The following EPHA6 variants were observed in gnomAD, a reference collection of about 807,000 sequenced individuals.
The protein encoded by EPHA6 is ephrin type-A receptor 6.
In EPHA6, 50 loss-of-function variants were observed where a neutral mutation model predicts 112.0. The observed-to-expected ratio is 0.45, with a 90% CI of 0.36 to 0.56. The LOEUF (loss-of-function observed/expected upper bound fraction) is 0.56, where lower values mean the gene tolerates loss of function less well. Among genes scored for constraint, EPHA6 ranks in the 20% least tolerant of loss-of-function variants. The pLI, the probability that EPHA6 is intolerant of heterozygous loss-of-function variation, is 0.00. For synonymous variants in EPHA6, 529 were observed against 490.7 expected, an observed-to-expected ratio of 1.08 and a Z score of -1.03; for missense variants, 1,280 against 1,417.4, an observed-to-expected ratio of 0.90 and a Z score of 1.56.
chr3:97,559,111 A>G (rs2093153818), intron 11 of EPHA6, among the ~76,000 whole-genome samples: 2 of 152,062 alleles, frequency 1.3e-5, no homozygotes, highest in African/African-American at 4.8e-5. Context: ...CAGAGTAAGT[A>G]GTATAATGAT....
At chr3:96,972,035 C>G (rs936182921) in intron 2 of EPHA6, among the ~76,000 whole-genome samples, 3 of 151,938 alleles carry the variant, frequency 2.0e-5, no homozygotes, top group Non-Finnish European at 4.4e-5. Context: ...TTTAAATTGT[C>G]TTTTACTTTT....
At chr3:97,713,145 T>G (rs1398388094) in intron 14 of EPHA6, among the ~76,000 whole-genome samples, 1 of 152,128 alleles carries the variant, frequency 6.6e-6, no homozygotes, top group Non-Finnish European at 1.5e-5. Context: ...ATAGGTCAAG[T>G]GTGTCTGATG....
chr3:97,089,124 G>T (rs1303546021), intron 3 of EPHA6, among the ~76,000 whole-genome samples: 1 of 152,106 alleles, frequency 6.6e-6, no homozygotes, highest in Non-Finnish European at 1.5e-5. Context: ...CACTCAGGAC[G>T]TTTGGAAACC....
At chr3:96,831,891 G>C (rs1576085040) in intron 1 of EPHA6, among the ~76,000 whole-genome samples, 1 of 152,016 alleles carries the variant, frequency 6.6e-6, no homozygotes, top group Non-Finnish European at 1.5e-5. Context: ...TAGGCATCCG[G>C]AATTATTCAT....
At chr3:97,119,180 C>T (rs1233933699) in intron 3 of EPHA6, among the ~76,000 whole-genome samples, 1 of 151,976 alleles carries the variant, frequency 6.6e-6, no homozygotes, top group African/African-American at 2.4e-5. Context: ...TGACAAAACA[C>T]TGAAACAAAG....
intron 2 of EPHA6, among the ~76,000 whole-genome samples, chr3:96,973,287 C>A (rs1040832257): frequency 3.9e-5 from 6 of 152,154 alleles, no homozygotes; most frequent in African/African-American, 1.4e-4. Context: ...GCCCCCAAAC[C>A]ACTAAGCTAT....
At chr3:97,175,706 A>G (rs1258460752) in intron 3 of EPHA6, among the ~76,000 whole-genome samples, 2 of 151,918 alleles carry the variant, frequency 1.3e-5, no homozygotes, top group Non-Finnish European at 2.9e-5. Context: ...CTGTTGGCAG[A>G]TAAGAATGCT....
chr3:97,186,145 T>A (rs2077128426), intron 3 of EPHA6, among the ~76,000 whole-genome samples: 1 of 151,978 alleles, frequency 6.6e-6, no homozygotes, highest in Admixed American at 6.6e-5. Context: ...CACACCAGCA[T>A]GGCACATGTT....
At chr3:97,303,132 C>T (rs932171826) in intron 5 of EPHA6, among the ~76,000 whole-genome samples, 2 of 151,858 alleles carry the variant, frequency 1.3e-5, no homozygotes, top group Admixed American at 1.3e-4. Flanking sequence ...AAAGTAGAAT[C>T]ATTTCATACT....
intron 2 of EPHA6, among the ~76,000 whole-genome samples, chr3:96,948,981 T>C (rs1191745431): frequency 1.3e-5 from 2 of 152,278 alleles, no homozygotes; most frequent in East Asian, 3.9e-4. Flanking sequence ...AGTCCTGCTA[T>C]GCTGTTGACC....
At chr3:97,279,304 G>A (rs2080207035) in intron 5 of EPHA6, among the ~76,000 whole-genome samples, 1 of 151,954 alleles carries the variant, frequency 6.6e-6, no homozygotes, top group Admixed American at 6.6e-5. Flanking sequence ...GTGACTATTA[G>A]AATAAATAAA....
chr3:97,079,606 T>TAAAA (rs71113851), intron 3 of EPHA6, among the ~76,000 whole-genome samples: 2 of 113,266 alleles, frequency 1.8e-5, no homozygotes, highest in African/African-American at 2.7e-5. Flanking sequence ...AAATTAAAAG[T>TAAAA]AAAAAAAAAA....
chr3:97,517,519 AT>A (rs1435132147), intron 10 of EPHA6, among the ~76,000 whole-genome samples: 3 of 152,122 alleles, frequency 2.0e-5, no homozygotes, highest in Non-Finnish European at 4.4e-5. Context: ...GTGTGATGTA[AT>A]AGATGTGCAT....
At chr3:96,958,914 G>A (rs2041860563) in intron 2 of EPHA6, among the ~76,000 whole-genome samples, 1 of 152,156 alleles carries the variant, frequency 6.6e-6, no homozygotes, top group Admixed American at 6.5e-5. Context: ...GCATTCATCA[G>A]TTGATGACAT....
chr3:97,415,386 A>C (rs1451614869), intron 6 of EPHA6, among the ~76,000 whole-genome samples: 2 of 152,068 alleles, frequency 1.3e-5, no homozygotes, highest in African/African-American at 4.8e-5. Context: ...ATTCTGTCTT[A>C]TCTATTCATT....
intron 5 of EPHA6, among the ~76,000 whole-genome samples, chr3:97,281,419 G>T (rs1179783033): frequency 6.6e-6 from 1 of 152,004 alleles, no homozygotes; most frequent in Non-Finnish European, 1.5e-5. Flanking sequence ...ATTTTAACTT[G>T]CATTTCTCCT....
chr3:97,714,118 AG>A (rs1437757487), intron 14 of EPHA6, among the ~76,000 whole-genome samples: 1 of 152,218 alleles, frequency 6.6e-6, no homozygotes, highest in Non-Finnish European at 1.5e-5. Context: ...TGGGCATGGT[AG>A]GGGTGAGTTC....
intron 3 of EPHA6, among the ~76,000 whole-genome samples, chr3:97,026,099 G>T (rs1171460637): frequency 6.9e-6 from 1 of 144,924 alleles, no homozygotes; most frequent in East Asian, 2.0e-4. Context: ...TCTCTATTCT[G>T]TCCCACTGGT....
At chr3:97,389,700 A>G (rs1208090896) in intron 5 of EPHA6, among the ~76,000 whole-genome samples, 2 of 152,178 alleles carry the variant, frequency 1.3e-5, no homozygotes, top group African/African-American at 4.8e-5. Flanking sequence ...CATTTTAAGT[A>G]AAGTATGAAA....
Sources: allele counts gnomAD v4.1 joint callset (sites outside exome capture counted in the v4.1 genomes callset), GRCh38; gene constraint gnomAD v4.1.1; transcripts MANE v1.5; gene names NCBI Gene and HGNC (gene_info 2026-07-23, HGNC 2026-07-21).